ILDR2: variants seen among roughly 807,000 people sequenced by gnomAD.
ILDR2 encodes the protein immunoglobulin-like domain-containing receptor 2.
In ILDR2, 25 loss-of-function variants were observed where a neutral mutation model predicts 66.8. The ratio of observed to expected loss-of-function variants is 0.37; its 90% CI spans 0.27 to 0.52. The LOEUF (loss-of-function observed/expected upper bound fraction) is 0.52. Among genes scored for constraint, ILDR2 ranks in the 20% least tolerant of loss-of-function variants. ILDR2 has a pLI of 0.88. For missense variants in ILDR2, 827 were observed against 876.8 expected, an observed-to-expected ratio of 0.94 and a Z score of 0.72; for synonymous variants, 367 against 357.2, an observed-to-expected ratio of 1.03 and a Z score of -0.31.
At chr1:166,896,161 C>A (rs2101809838) in intron 2 of ILDR2, 5 of 152,436 alleles carry the variant, frequency 3.3e-5, no homozygotes, top group Admixed American at 3.3e-4. Flanking sequence ...CAATGCTCAA[C>A]AATATATGTC....
At chr1:166,968,178 T>C (rs1348546589) in intron 1 of ILDR2, among the ~76,000 whole-genome samples, 2 of 152,224 alleles carry the variant, frequency 1.3e-5, no homozygotes, top group Non-Finnish European at 2.9e-5. Context: ...TTACCTTCCA[T>C]TCTTCCTACA....
chr1:166,941,594 A>G (rs10489574), intron 3 of ILDR2, among the ~76,000 whole-genome samples: 21,178 of 152,254 alleles, frequency 0.14, 1,727 homozygotes, highest in Middle Eastern at 0.18. Flanking sequence ...GCAATAATCA[A>G]TGATCAAGAA....
In ILDR2 at chr1:166,918,972, T is replaced by A; in HGVS notation, c.*383A>T. 1 of 373,426 alleles carries A rather than the reference T, an allele frequency of 2.7e-6. No individual in the cohort carries two copies. The highest frequency in any genetic ancestry group is 4.3e-5 in the Admixed American group (1 of 23,488). 23.1% of individuals were successfully genotyped at this position (373,426 alleles called of 1,614,324 possible). A position where few individuals can be genotyped will look rare whatever the true frequency, so the allele number is the denominator to read the frequency against. On this transcript the variant is annotated 3_prime_UTR_variant, in exon 10 of 10. Coordinates refer to ENST00000271417, the MANE Select transcript of ILDR2 (RefSeq NM_199351.3). ...GTCTCTAAGTATAGCACAGGAGGTATAGAAAAGCATATTGTAGGCATAGGC... is the reference window on the plus strand; with the variant it reads ...GTCTCTAAGTATAGCACAGGAGGTAAAGAAAAGCATATTGTAGGCATAGGC...
Position 166,909,736 on chromosome 1 carries a change from C to CATATATATATATATATAT in ILDR2, c.*9601_*9618dup, listed in dbSNP as rs374479063. ...ATATATATGTGTGTGTGTATACATA[C>CATATATATATATATATAT]ATATATATATATATATATATATAAA... On this transcript the variant is annotated 3_prime_UTR_variant, in exon 10 of 10. Transcript: ENST00000271417. 2 of 100,930 alleles carry CATATATATATATATATAT rather than the reference C, an allele frequency of 2.0e-5. No homozygotes were observed. The highest frequency in any genetic ancestry group is 1.2e-4 in the Admixed American group (1 of 8,552). 6.3% of individuals were successfully genotyped at this position (100,930 alleles called of 1,614,324 possible).
At chr1:166,965,120 C>T (rs1353235649) in intron 1 of ILDR2, among the ~76,000 whole-genome samples, 5 of 152,156 alleles carry the variant, frequency 3.3e-5, no homozygotes, top group African/African-American at 1.2e-4. Flanking sequence ...TCAGAATTGC[C>T]CATTCCTCAG....
chr1:166,966,129 A>T (rs897947049), intron 1 of ILDR2, among the ~76,000 whole-genome samples: 9 of 151,584 alleles, frequency 5.9e-5, no homozygotes, highest in Middle Eastern at 3.4e-3. Flanking sequence ...AACTTGTGTT[A>T]AAAAAAAACC....
chr1:166,956,687 G>A (rs1426597643), intron 3 of ILDR2, 46 bp downstream of exon 3: 1 of 1,605,312 alleles, frequency 6.2e-7, no homozygotes, highest in African/African-American at 1.3e-5. Flanking sequence ...TACAGTGCAA[G>A]TGCAAGTGGT....
At chr1:166,924,949 G>C (rs6427046) in intron 7 of ILDR2, among the ~76,000 whole-genome samples, 1 of 151,830 alleles carries the variant, frequency 6.6e-6, no homozygotes, top group Non-Finnish European at 1.5e-5. Flanking sequence ...CCAGGAAGTC[G>C]AGGCTGCAGT....
intron 7 of ILDR2, among the ~76,000 whole-genome samples, chr1:166,925,081 T>C (rs1660197281): frequency 6.6e-6 from 1 of 152,034 alleles, no homozygotes; most frequent in African/African-American, 2.4e-5. Context: ...ATACTAGAAC[T>C]TCCCAGACTA....
downstream of ILDR2, chr1:166,907,900 A>G (rs1659377812): frequency 6.6e-6 from 1 of 152,202 alleles, no homozygotes; most frequent in Admixed American, 6.5e-5. Context: ...TGAAGCTGAG[A>G]TGCAAAGAAA....
At chr1:166,948,120 G>A (rs970241605) in intron 3 of ILDR2, among the ~76,000 whole-genome samples, 2 of 152,064 alleles carry the variant, frequency 1.3e-5, no homozygotes, top group African/African-American at 2.4e-5. Context: ...AGGTCCCCAG[G>A]AACGAAATGC....
chr1:166,912,454 TATAA>T lies in ILDR2; in HGVS notation c.*6897_*6900del, dbSNP rs1186398574. On this transcript the variant is annotated 3_prime_UTR_variant, in exon 10 of 10. Coordinates refer to ENST00000271417, the MANE Select transcript of ILDR2 (RefSeq NM_199351.3). ...CGTGGGTGATTCTAAACAAATACTT[TATAA>T]ATAAAAACAAAAATATTTTATAAAG... 6.6e-6 allele frequency: 1 copy of T among 152,158 alleles called. No homozygotes were observed. The highest frequency in any genetic ancestry group is 1.5e-5 in the Non-Finnish European group (1 of 68,018). The allele number at this position is 152,158 out of a possible 1,614,324, so 9.4% of individuals were successfully genotyped here. A position where few individuals can be genotyped will look rare whatever the true frequency, so the allele number is the denominator to read the frequency against.
rs1315736022 is a variant in ILDR2 at position 166,975,244 on chromosome 1, T to C, written c.25A>G (p.Ile9Val). MDRVLLRW[I>V]SLFWLTAMVE... ...TTACCTGTTAGCCAGAAGAGAGAAA[T>C]CCACCTCAGCAAGACCCTATCCATC... is the stretch of plus-strand genomic sequence containing the variant. Residue 9 changes from isoleucine to valine, a missense_variant, in exon 1 of 10, where the codon ATT becomes GTT. Coordinates refer to ENST00000271417, the MANE Select transcript of ILDR2 (RefSeq NM_199351.3). 3 of 1,613,264 alleles carry C rather than the reference T, an allele frequency of 1.9e-6. No individual in the cohort carries two copies. Among genetic ancestry groups the C allele is most frequent in the Non-Finnish European group, 2.5e-6 (3 of 1,179,534 alleles).
At chr1:166,958,182 T>C in intron 1 of ILDR2, 81 bp from the exon 2 acceptor site, 1 of 1,171,242 alleles carries the variant, frequency 8.5e-7, no homozygotes, top group South Asian at 1.4e-5. Flanking sequence ...CCTTTCCATT[T>C]CACTTCCCTA....
chr1:166,895,854 GTA>G (rs1271031517), exon 3 of ILDR2: 1 of 152,156 alleles, frequency 6.6e-6, no homozygotes, highest in African/African-American at 2.4e-5. Flanking sequence ...GGACAAAATT[GTA>G]TAATCTAATG....
intron 1 of ILDR2, among the ~76,000 whole-genome samples, chr1:166,974,171 T>G (rs1663465046): frequency 6.6e-6 from 1 of 152,170 alleles, no homozygotes; most frequent in Non-Finnish European, 1.5e-5. Flanking sequence ...TCTCCTGCCT[T>G]CCACCCCCAT....
chr1:166,928,830 G>GA (rs1049870109), intron 6 of ILDR2, among the ~76,000 whole-genome samples: 2 of 151,978 alleles, frequency 1.3e-5, no homozygotes, highest in African/African-American at 4.8e-5. Flanking sequence ...GAATTACTTA[G>GA]AAAAAAAATT....
chr1:166,930,652 C>T (rs1660585846), intron 6 of ILDR2, among the ~76,000 whole-genome samples: 1 of 152,196 alleles, frequency 6.6e-6, no homozygotes, highest in Non-Finnish European at 1.5e-5. Flanking sequence ...CTGGTCCCTC[C>T]TCTCCAAGGA....
At chr1:166,938,648 G>A (rs1384260209) in intron 4 of ILDR2, among the ~76,000 whole-genome samples, 1 of 152,158 alleles carries the variant, frequency 6.6e-6, no homozygotes, top group Non-Finnish European at 1.5e-5. Flanking sequence ...AAAGAATCTG[G>A]ATGTTTTTAA....
Sources: allele counts gnomAD v4.1 joint callset (sites outside exome capture counted in the v4.1 genomes callset), GRCh38; gene constraint gnomAD v4.1.1; transcripts MANE v1.5; gene names NCBI Gene and HGNC (gene_info 2026-07-23, HGNC 2026-07-21).